The following ROBO2 variants were observed in gnomAD, a reference collection of about 807,000 sequenced individuals.
ROBO2 encodes roundabout guidance receptor 2.
ROBO2 carries 53 observed loss-of-function variants against 160.8 expected under a neutral mutation model. The ratio of observed to expected loss-of-function variants is 0.33; its 90% CI spans 0.26 to 0.41. ROBO2 has a LOEUF of 0.41. Among genes scored for constraint, ROBO2 ranks in the 10% least tolerant of loss-of-function variants. ROBO2 has a pLI of 1.00. For missense variants in ROBO2, 1,577 were observed against 1,722.4 expected (o/e 0.92, Z 1.49); for synonymous variants, 664 against 611.7 (o/e 1.09, Z -1.26).
chr3:77,072,962 G>A (rs190556628), intron 1 of ROBO2, among the ~76,000 whole-genome samples: 5 of 152,168 alleles, frequency 3.3e-5, no homozygotes, highest in Non-Finnish European at 5.9e-5. Context: ...AATGCAATGA[G>A]TAGCAGAAGT....
intron 1 of ROBO2, among the ~76,000 whole-genome samples, chr3:77,085,935 C>A (rs558963968): frequency 6.6e-6 from 1 of 152,056 alleles, no homozygotes; most frequent in East Asian, 1.9e-4. Context: ...TGTTATTGTG[C>A]CCTCAATAAA....
At chr3:76,000,870 TC>T (rs1241653164) in intron 2 of ROBO2, among the ~76,000 whole-genome samples, 1 of 152,190 alleles carries the variant, frequency 6.6e-6, no homozygotes, top group Non-Finnish European at 1.5e-5. Context: ...CATTTAAAAA[TC>T]CTTTGTCATT....
chr3:77,617,116 G>A (rs983942989), intron 21 of ROBO2, among the ~76,000 whole-genome samples: 4 of 91,564 alleles, frequency 4.4e-5, no homozygotes, highest in African/African-American at 1.7e-4. Flanking sequence ...ATCAATCAGC[G>A]ATATTGGCAT....
chr3:77,312,499 A>G (rs1478939173), intron 2 of ROBO2, among the ~76,000 whole-genome samples: 1 of 152,140 alleles, frequency 6.6e-6, no homozygotes, highest in Non-Finnish European at 1.5e-5. Flanking sequence ...TTTAATTTTT[A>G]TTTTTTGTCT....
At chr3:77,572,921 A>G (rs1406745352) in intron 13 of ROBO2, among the ~76,000 whole-genome samples, 1 of 152,066 alleles carries the variant, frequency 6.6e-6, no homozygotes, top group African/African-American at 2.4e-5. Flanking sequence ...AAAAGTTGAA[A>G]CAAATTTCAA....
intron 2 of ROBO2, among the ~76,000 whole-genome samples, chr3:77,393,487 C>T (rs1015993347): frequency 4.6e-5 from 7 of 150,934 alleles, no homozygotes; most frequent in African/African-American, 1.2e-4. Context: ...GATAACAGTA[C>T]CACAAAATGA....
chr3:76,405,220 C>T (rs1344039205), intron 2 of ROBO2, among the ~76,000 whole-genome samples: 1 of 151,492 alleles, frequency 6.6e-6, no homozygotes, highest in Non-Finnish European at 1.5e-5. Context: ...CAGCCAGAAG[C>T]TTCTTAAGGT....
At chr3:76,473,213 T>C (rs952143980) in intron 2 of ROBO2, among the ~76,000 whole-genome samples, 2 of 152,138 alleles carry the variant, frequency 1.3e-5, no homozygotes, top group Non-Finnish European at 2.9e-5. Flanking sequence ...TAATTCAACT[T>C]GTTGTCAGCT....
At chr3:76,146,876 TCACACACACACAAA>T (rs892338845) in intron 2 of ROBO2, among the ~76,000 whole-genome samples, 2 of 146,108 alleles carry the variant, frequency 1.4e-5, no homozygotes, top group Non-Finnish European at 3.0e-5. Flanking sequence ...ACACACACAC[TCACACACACACAAA>T]CACACACACA....
chr3:76,862,424 C>T (rs1463584123), intron 2 of ROBO2, among the ~76,000 whole-genome samples: 1 of 152,042 alleles, frequency 6.6e-6, no homozygotes, highest in Non-Finnish European at 1.5e-5. Context: ...TTATGCCACA[C>T]AGGAATTTTC....
At chr3:77,117,323 G>A (rs2150232466) in intron 2 of ROBO2, among the ~76,000 whole-genome samples, 1 of 152,204 alleles carries the variant, frequency 6.6e-6, no homozygotes, top group African/African-American at 2.4e-5. Flanking sequence ...CTACTACAGT[G>A]ATAAAATTAC....
chr3:76,640,991 A>G (rs564063575), intron 2 of ROBO2, among the ~76,000 whole-genome samples: 1 of 152,358 alleles, frequency 6.6e-6, no homozygotes, highest in Admixed American at 6.5e-5. Context: ...TAAAAGCTGA[A>G]TAAATATGTA....
chr3:77,186,174 T>C (rs2150898432), intron 2 of ROBO2, among the ~76,000 whole-genome samples: 1 of 151,484 alleles, frequency 6.6e-6, no homozygotes, highest in Non-Finnish European at 1.5e-5. Context: ...AAATAACCTA[T>C]GGAAATAAGT....
At chr3:76,841,577 A>G (rs141873251) in intron 2 of ROBO2, among the ~76,000 whole-genome samples, 1 of 152,284 alleles carries the variant, frequency 6.6e-6, no homozygotes, top group East Asian at 1.9e-4. Context: ...TGTACACGTA[A>G]TAAATCCAAT....
At chr3:77,080,651 G>A (rs1407137071) in intron 1 of ROBO2, among the ~76,000 whole-genome samples, 3 of 152,006 alleles carry the variant, frequency 2.0e-5, no homozygotes, top group South Asian at 2.1e-4. Flanking sequence ...CTCTCTGCTC[G>A]AGAATTTGTT....
At chr3:76,817,077 T>C (rs141149538) in intron 2 of ROBO2, among the ~76,000 whole-genome samples, 74 of 151,946 alleles carry the variant, frequency 4.9e-4, no homozygotes, top group African/African-American at 1.8e-3. Context: ...GTGGGGGGCA[T>C]TGGGGACAAG....
At chr3:76,610,412 C>A (rs574772016) in intron 2 of ROBO2, among the ~76,000 whole-genome samples, 4 of 152,120 alleles carry the variant, frequency 2.6e-5, no homozygotes, top group Admixed American at 1.3e-4. Context: ...ACAGCTGGAA[C>A]GGCGTGGGGT....
chr3:77,558,178 TATC>T, intron 9 of ROBO2, 29 bp downstream of exon 10: 1 of 1,559,594 alleles, frequency 6.4e-7, no homozygotes. Flanking sequence ...GTACATGAAT[TATC>T]ATCTACACAT....
intron 2 of ROBO2, among the ~76,000 whole-genome samples, chr3:77,126,942 C>T (rs373312908): frequency 8.6e-5 from 13 of 151,554 alleles, no homozygotes; most frequent in African/African-American, 2.7e-4. Flanking sequence ...GTGCCCGCCA[C>T]CACGCCCGGC....
Sources: gnomAD v4.1 joint callset for allele counts (sites outside exome capture counted in the v4.1 genomes callset) on GRCh38, gnomAD v4.1.1 for gene constraint, MANE v1.5 for transcripts, NCBI Gene and HGNC (gene_info 2026-07-23, HGNC 2026-07-21) for gene names.